Variants in SDR42E2 observed in about 807,000 individuals in gnomAD.
The protein encoded by SDR42E2 is putative short-chain dehydrogenase/reductase family 42E member 2.
A neutral mutation model predicts 10.5 loss-of-function variants in SDR42E2; 20 were observed. The ratio of observed to expected loss-of-function variants is 1.90; its 90% CI spans 1.34 to 2.77. The LOEUF (loss-of-function observed/expected upper bound fraction) is 2.77, where lower values mean the gene tolerates loss of function less well. Ranked by LOEUF, SDR42E2 falls within the 30% of genes most tolerant of loss-of-function variation. The probability of loss-of-function intolerance (pLI) is 0.00; values close to 1 mark genes in which losing one functional copy is unlikely to be tolerated. For synonymous variants in SDR42E2, 72 were observed against 39.2 expected, an observed-to-expected ratio of 1.84 and a Z score of -3.12; for missense variants, 162 against 104.2, an observed-to-expected ratio of 1.55 and a Z score of -2.42.
At chr16:22,182,941 G>C (rs1399614848) in intron 10 of SDR42E2, among the ~76,000 whole-genome samples, 1 of 152,036 alleles carries the variant, frequency 6.6e-6, no homozygotes, top group Non-Finnish European at 1.5e-5. Flanking sequence ...GGAGTTCAAG[G>C]CTGCAGTGAG....
Position 22,166,138 on chromosome 16 carries a change from G to C in SDR42E2, c.56-112G>C, listed in dbSNP as rs2046536448. ...GGTACCTGGGCCGGGAGCTGGATCAGTACCTGGGGCAGGAGCTGGGTCTAC... is the reference window on the plus strand; with the variant it reads ...GGTACCTGGGCCGGGAGCTGGATCACTACCTGGGGCAGGAGCTGGGTCTAC... On this transcript the variant is annotated intron_variant, in intron 2 of 12. Transcript: ENST00000602312. 2.5e-5 allele frequency: 12 copies of C among 476,328 alleles called. No homozygotes were observed. In the South Asian group the frequency reaches 4.9e-4, roughly 19 times the overall value. The allele number at this position is 476,328 out of a possible 1,614,324, so 29.5% of individuals were successfully genotyped here.
chr16:22,168,041 C>A lies in SDR42E2; in HGVS notation c.336+1042C>A, dbSNP rs555546110. Among the ~76,000 whole-genome samples the A allele has an allele frequency of 5.3e-5, 8 of 152,090 alleles. No homozygotes were observed. The South Asian group carries it at 8.3e-4, about 16-fold the overall frequency. ...TCTTTTTCACTATACACCCATTTTACTGTTTGAATTCTTTTTAACCTTGAT... is the reference window on the plus strand; with the variant it reads ...TCTTTTTCACTATACACCCATTTTAATGTTTGAATTCTTTTTAACCTTGAT... On this transcript the variant is annotated intron_variant, in intron 4 of 12. Coordinates refer to ENST00000602312, the MANE Select transcript of SDR42E2 (RefSeq NM_001394319.2).
At chr16:22,164,228 T>G (rs2046518118) in intron 1 of SDR42E2, among the ~76,000 whole-genome samples, 1 of 152,032 alleles carries the variant, frequency 6.6e-6, no homozygotes, top group South Asian at 2.1e-4. Flanking sequence ...ACTACTAGCC[T>G]GGGCAACAGA....
chr16:22,169,526 A>G (rs1333201254), intron 5 of SDR42E2, 24 bp downstream of exon 5: 1 of 703,128 alleles, frequency 1.4e-6, no homozygotes, highest in Non-Finnish European at 2.6e-6. Flanking sequence ...GCCGGGTATG[A>G]CCTGCTGTGC....
rs964345137 is a variant in SDR42E2, at chr16:22,162,534, G to A, written c.-67G>A. ...GGCGCGGAGACTGGCGCAGCGCGGG[G>A]AGCACGCAGCGCCGCGGGAGCCCGG... On this transcript the variant is annotated 5_prime_UTR_variant, in exon 1 of 13. Coordinates refer to ENST00000602312, the MANE Select transcript of SDR42E2 (RefSeq NM_001394319.2). 6.6e-6 allele frequency among the ~76,000 whole-genome samples: 1 copy of A among 152,188 alleles called. No homozygotes were observed. The highest frequency in any genetic ancestry group is 2.4e-5 in the African/African-American group (1 of 41,458).
At position 22,190,340 on chromosome 16, in the gene SDR42E2, GCCCTGCACTTCCTAGGCCTGCAGC is replaced by G; in HGVS notation, c.1218_1241del (p.His408_Leu415del). Reference sequence around the variant, plus strand: ...GCTGTTCCTCGGCTTGCTCGCCCTGGCCCTGCACTTCCTAGGCCTGCAGCCTCTGCACGCCGCCGTGGAGCGCCT... The same window carrying G: ...GCTGTTCCTCGGCTTGCTCGCCCTGGCTCTGCACGCCGCCGTGGAGCGCCT... On this transcript the variant is annotated inframe_deletion, in exon 13 of 13. Transcript: ENST00000602312. 1 of 402,584 alleles carries G rather than the reference GCCCTGCACTTCCTAGGCCTGCAGC, an allele frequency of 2.5e-6. No individual in the cohort carries two copies. Among genetic ancestry groups the G allele is most frequent in the Non-Finnish European group, 4.4e-6 (1 of 227,384 alleles). The allele number at this position is 402,584 out of a possible 1,614,324, so 24.9% of individuals were successfully genotyped here.
At chr16:22,178,884 A>G (rs2142073524) in intron 8 of SDR42E2, among the ~76,000 whole-genome samples, 1 of 152,362 alleles carries the variant, frequency 6.6e-6, no homozygotes, top group Admixed American at 6.5e-5. Flanking sequence ...AGGAAGCAGC[A>G]AGAGGTCCCT....
In SDR42E2 at chr16:22,172,314, A is replaced by G. The variant is rs745557922; in HGVS notation, c.572A>G (p.Asn191Ser). ...GCCGACCAATTGACCCTCATGGCCA[A>G]TGGGATGCCTCTCCCAGGTGAGTAT... is the stretch of plus-strand genomic sequence containing the variant. ...AIADQLTLMA[N>S]GMPLPGGGTL... The change falls in exon 7 of 13, where the codon AAT becomes AGT. Residue 191 changes from asparagine to serine, a missense_variant. Transcript: ENST00000602312. The G allele has an allele frequency of 4.4e-5, 31 of 703,268 alleles. No individual in the cohort carries two copies. The highest frequency in any genetic ancestry group is 4.3e-4 in the South Asian group (29 of 67,604). The allele number at this position is 703,268 out of a possible 1,614,324, so 43.6% of individuals were successfully genotyped here.
rs1462769378 is a variant in SDR42E2, at chr16:22,190,262, C to A, written c.1138C>A (p.Arg380=). The A allele has an allele frequency of 7.5e-6, 3 of 401,254 alleles. No individual in the cohort carries two copies. Among genetic ancestry groups the A allele is most frequent in the East Asian group, 7.1e-5 (2 of 28,084 alleles). 24.9% of individuals were successfully genotyped at this position (401,254 alleles called of 1,614,324 possible). A position where few individuals can be genotyped will look rare whatever the true frequency, so the allele number is the denominator to read the frequency against. The change falls in exon 13 of 13, where the codon CGG becomes AGG. Residue 380 remains arginine, a synonymous_variant. Transcript: ENST00000602312. The part of the protein sequence containing the change: ...VELYVQSTTR[R]PRGSTARTLL... ...GCTATACGTGCAGTCCACGACCCGGCGGCCCCGCGGCTCCACGGCGCGGAC... is the reference window on the plus strand; with the variant it reads ...GCTATACGTGCAGTCCACGACCCGGAGGCCCCGCGGCTCCACGGCGCGGAC...
chr16:22,184,217 G>A lies in SDR42E2; in HGVS notation c.913G>A (p.Val305Met), dbSNP rs972675517. The A allele has an allele frequency of 5.0e-5, 20 of 401,326 alleles. No homozygotes were observed. Among genetic ancestry groups the A allele is most frequent in the Non-Finnish European group, 8.0e-5 (18 of 226,350 alleles). The allele number at this position is 401,326 out of a possible 1,614,324, so 24.9% of individuals were successfully genotyped here. Residue 305 changes from valine to methionine, a missense_variant, in exon 11 of 13, where the codon GTG (valine) becomes ATG (methionine). By Grantham distance (21) the Val-to-Met change is conservative. Coordinates refer to ENST00000602312, the MANE Select transcript of SDR42E2 (RefSeq NM_001394319.2). ...KLGYSQPWIQVPTSWVYLTAA... is the reference protein window; with the variant it reads ...KLGYSQPWIQMPTSWVYLTAA... ...GGGGTACAGCCAGCCCTGGATCCAG[G>A]TGCCTACTTCCTGGGTTTACCTGAC...
chr16:22,173,901 G>GTATATATATATA (rs1294081743), intron 7 of SDR42E2, among the ~76,000 whole-genome samples: 5 of 84,324 alleles, frequency 5.9e-5, no homozygotes, highest in East Asian at 1.8e-3. Context: ...ATATATGTGT[G>GTATATATATATA]TGTGTATATA....
rs185256361 is a variant in SDR42E2, at chr16:22,169,417, T to C, written c.337-28T>C. On this transcript the variant is annotated intron_variant, in intron 4 of 12. Coordinates refer to ENST00000602312, the MANE Select transcript of SDR42E2 (RefSeq NM_001394319.2). ...CAGCAAGAAGGCATGGGTAGCACCATGACTTTCTCACCTGTCTTGTCTTTT... is the reference window on the plus strand; with the variant it reads ...CAGCAAGAAGGCATGGGTAGCACCACGACTTTCTCACCTGTCTTGTCTTTT... 1.1e-5 allele frequency: 8 copies of C among 703,386 alleles called. No homozygotes were observed. In the African/African-American group the frequency reaches 1.2e-4, roughly 11 times the overall value. 43.6% of individuals were successfully genotyped at this position (703,386 alleles called of 1,614,324 possible).
At position 22,190,325 on chromosome 16, in the gene SDR42E2, G is replaced by C. The variant is rs1333594419; in HGVS notation, c.1201G>C (p.Gly401Arg). The change falls in exon 13 of 13, where the codon GGC becomes CGC. Residue 401 changes from glycine (G) to arginine (R), a missense_variant. Physicochemically the swap from Gly to Arg is moderately radical, Grantham distance 125 (BLOSUM62 -2). Transcript: ENST00000602312. ...GCTGCTCAGGCTGCTGCTGTTCCTC[G>C]GCTTGCTCGCCCTGGCCCTGCACTT... is the stretch of plus-strand genomic sequence containing the variant. ...RLLLRLLLFL[G>R]LLALALHFLG... 2.5e-6 allele frequency: 1 copy of C among 402,226 alleles called. No individual in the cohort carries two copies. The highest frequency in any genetic ancestry group is 2.1e-5 in the African/African-American group (1 of 48,684). 24.9% of individuals were successfully genotyped at this position (402,226 alleles called of 1,614,324 possible).
chr16:22,183,523 C>T (rs1336645775), intron 10 of SDR42E2, among the ~76,000 whole-genome samples: 4 of 152,164 alleles, frequency 2.6e-5, no homozygotes, highest in African/African-American at 9.7e-5. Flanking sequence ...CTCTGGTGTC[C>T]TCTCTGAGCA....
At chr16:22,163,328 G>C (rs2046511126) in intron 1 of SDR42E2, among the ~76,000 whole-genome samples, 1 of 152,126 alleles carries the variant, frequency 6.6e-6, no homozygotes, top group African/African-American at 2.4e-5. Flanking sequence ...TACAGGAGGA[G>C]GGCTCGCTGT....
intron 7 of SDR42E2, among the ~76,000 whole-genome samples, chr16:22,174,479 T>G (rs1463411286): frequency 5.9e-5 from 9 of 152,128 alleles, no homozygotes; most frequent in Non-Finnish European, 1.5e-5. Flanking sequence ...CTAATCACTG[T>G]GCAGTGCTGC....
intron 8 of SDR42E2, 55 bp downstream of exon 8, chr16:22,178,267 T>C (rs1331850795): frequency 2.9e-6 from 2 of 691,442 alleles, no homozygotes; most frequent in Non-Finnish European, 5.3e-6. Flanking sequence ...GGCTGAGGTG[T>C]ACACTGGTCG....
At chr16:22,179,584 G>A (rs1355719098) in intron 8 of SDR42E2, among the ~76,000 whole-genome samples, 2 of 152,136 alleles carry the variant, frequency 1.3e-5, no homozygotes, top group Non-Finnish European at 2.9e-5. Context: ...GGCCGACAGG[G>A]ATGGATCAAT....
Position 22,182,200 on chromosome 16 carries a change from T to C in SDR42E2, c.811-12T>C, listed in dbSNP as rs1598143247. 3 of 405,336 alleles carry C rather than the reference T, an allele frequency of 7.4e-6. No individual in the cohort carries two copies. The highest frequency in any genetic ancestry group is 3.1e-4 in the Middle Eastern group (1 of 3,234). The allele number at this position is 405,336 out of a possible 1,614,324, so 25.1% of individuals were successfully genotyped here. Reference sequence around the variant, plus strand: ...AGAAGGCTGACCGTCCCCTCCCACATGTCCCCTTCAGAGTGGGCAGGCGTA... The same window carrying C: ...AGAAGGCTGACCGTCCCCTCCCACACGTCCCCTTCAGAGTGGGCAGGCGTA... On this transcript the variant is annotated splice_polypyrimidine_tract_variant and intron_variant, in intron 9 of 12. Transcript: ENST00000602312.
Sources: allele counts gnomAD v4.1 joint callset (sites outside exome capture counted in the v4.1 genomes callset), GRCh38; gene constraint gnomAD v4.1.1; transcripts MANE v1.5; gene names NCBI Gene and HGNC (gene_info 2026-07-23, HGNC 2026-07-21).